ABCC4: variants seen among roughly 807,000 people sequenced by gnomAD.
ABCC4 encodes the protein ATP binding cassette subfamily C member 4 (PEL blood group).
ABCC4 carries 102 observed loss-of-function variants against 168.5 expected under a neutral mutation model. The ratio of observed to expected loss-of-function variants is 0.61; its 90% confidence interval spans 0.52 to 0.71. The LOEUF (loss-of-function observed/expected upper bound fraction) is 0.71. Among genes scored for constraint, ABCC4 ranks in the 30% least tolerant of loss-of-function variants. The pLI is 0.00. For missense variants in ABCC4, 1,402 were observed against 1,605.8 expected, an observed-to-expected ratio of 0.87 and a Z score of 2.17; for synonymous variants, 617 against 590.7, an observed-to-expected ratio of 1.04 and a Z score of -0.65.
At chr13:95,058,078 A>G (rs2033131013) in intron 26 of ABCC4, among the ~76,000 whole-genome samples, 1 of 152,204 alleles carries the variant, frequency 6.6e-6, no homozygotes, top group Non-Finnish European at 1.5e-5. Context: ...ACGACACATA[A>G]GTGAATACAC....
intron 11 of ABCC4, among the ~76,000 whole-genome samples, chr13:95,184,645 TA>T (rs2038001428): frequency 6.6e-6 from 1 of 152,180 alleles, no homozygotes; most frequent in Admixed American, 6.5e-5. Context: ...GATTAGTAGG[TA>T]AAGAGCAACA....
chr13:95,172,438 A>G (rs910309902), intron 13 of ABCC4, among the ~76,000 whole-genome samples: 22 of 152,046 alleles, frequency 1.4e-4, no homozygotes, highest in Admixed American at 1.4e-3. Flanking sequence ...GGATGTGGTC[A>G]CCCATGCCTG....
chr13:95,023,716 G>A (rs926002950), intron 30 of ABCC4, among the ~76,000 whole-genome samples: 1 of 152,222 alleles, frequency 6.6e-6, no homozygotes, highest in African/African-American at 2.4e-5. Flanking sequence ...CACACAGAAC[G>A]TGGAGGTATC....
chr13:95,184,391 G>A (rs1594253966), intron 11 of ABCC4, among the ~76,000 whole-genome samples: 1 of 152,160 alleles, frequency 6.6e-6, no homozygotes, highest in Non-Finnish European at 1.5e-5. Context: ...TCACCTAATT[G>A]TTAAAATAGT....
intron 1 of ABCC4, among the ~76,000 whole-genome samples, chr13:95,274,002 G>T (rs7992953): frequency 1 from 152,198 of 152,198 alleles, 76,099 homozygotes; most frequent in Non-Finnish European, 1. Flanking sequence ...TTTCTCCTCC[G>T]TGCCTTCTGT....
intron 19 of ABCC4, among the ~76,000 whole-genome samples, chr13:95,151,694 A>G (rs1301050336): frequency 6.6e-6 from 1 of 152,146 alleles, no homozygotes; most frequent in African/African-American, 2.4e-5. Context: ...GCAACTATTT[A>G]AGTTTGCAAG....
intron 6 of ABCC4, 69 bp from the exon 7 acceptor site, chr13:95,207,994 G>C: frequency 6.5e-7 from 1 of 1,550,070 alleles, no homozygotes; most frequent in South Asian, 1.2e-5. Flanking sequence ...GGCAGGCACA[G>C]GCAGGGACCT....
intron 25 of ABCC4, among the ~76,000 whole-genome samples, chr13:95,064,752 T>A (rs1247919182): frequency 6.6e-6 from 1 of 152,026 alleles, no homozygotes; most frequent in African/African-American, 2.4e-5. Context: ...GACTAGGCAC[T>A]CCAAACTCAG....
At chr13:95,077,408 G>A (rs553339906) in intron 21 of ABCC4, among the ~76,000 whole-genome samples, 1 of 151,602 alleles carries the variant, frequency 6.6e-6, no homozygotes, top group Non-Finnish European at 1.5e-5. Context: ...GCATGATCTT[G>A]GCTCACTGCA....
At chr13:95,191,813 T>C (rs1035569164) in intron 9 of ABCC4, among the ~76,000 whole-genome samples, 118 of 152,252 alleles carry the variant, frequency 7.8e-4, no homozygotes, top group African/African-American at 2.7e-3. Context: ...TTTTATTCAG[T>C]TTTGGCTGCA....
chr13:95,104,556 TC>T (rs976871997), intron 20 of ABCC4, among the ~76,000 whole-genome samples: 51 of 152,250 alleles, frequency 3.3e-4, no homozygotes, highest in Admixed American at 1.1e-3. Context: ...TTTATTCTCA[TC>T]CACACATAAT....
intron 13 of ABCC4, among the ~76,000 whole-genome samples, chr13:95,175,425 G>A (rs1277589392): frequency 6.6e-6 from 1 of 152,098 alleles, no homozygotes; most frequent in Non-Finnish European, 1.5e-5. Flanking sequence ...CAATTCTCCT[G>A]CCTCAGCCTC....
chr13:95,269,248 T>C (rs2040772769), intron 1 of ABCC4: 1 of 454,110 alleles, frequency 2.2e-6, no homozygotes, highest in Non-Finnish European at 4.4e-6. Flanking sequence ...CCACCCTGAT[T>C]TGCCATACCT....
chr13:95,256,278 G>A (rs560870367), intron 1 of ABCC4, among the ~76,000 whole-genome samples: 87 of 152,238 alleles, frequency 5.7e-4, no homozygotes, highest in African/African-American at 2.0e-3. Context: ...CAAGTTATGC[G>A]GCTGACTCAT....
At chr13:95,172,543 G>A (rs1175469575) in intron 13 of ABCC4, among the ~76,000 whole-genome samples, 4 of 148,620 alleles carry the variant, frequency 2.7e-5, no homozygotes, top group Non-Finnish European at 5.9e-5. Context: ...TCCAGCCTGG[G>A]CAACAGAGCG....
chr13:95,293,831 A>G (rs1479343772), intron 1 of ABCC4, among the ~76,000 whole-genome samples: 1 of 147,308 alleles, frequency 6.8e-6, no homozygotes, highest in Non-Finnish European at 1.5e-5. Context: ...CCCAGGCTGG[A>G]GTGCAGTGGT....
intron 20 of ABCC4, among the ~76,000 whole-genome samples, chr13:95,091,234 T>C: frequency 6.6e-6 from 1 of 152,136 alleles, no homozygotes; most frequent in East Asian, 1.9e-4. Context: ...GGGCAAATAA[T>C]CGAGGAAAAC....
chr13:95,161,456 A>C (rs1206733583), intron 18 of ABCC4, 121 bp from the exon 19 acceptor site: 1 of 708,978 alleles, frequency 1.4e-6, no homozygotes, highest in Non-Finnish European at 2.1e-6. Flanking sequence ...AAGCATCTGG[A>C]TTCTACATAA....
At chr13:95,175,803 A>G (rs935026866) in intron 13 of ABCC4, among the ~76,000 whole-genome samples, 4 of 152,206 alleles carry the variant, frequency 2.6e-5, no homozygotes, top group African/African-American at 4.8e-5. Flanking sequence ...TTGATCTCAC[A>G]CATGCAGTCT....
Sources: allele counts gnomAD v4.1 joint callset (sites outside exome capture counted in the v4.1 genomes callset), GRCh38; gene constraint gnomAD v4.1.1; transcripts MANE v1.5; gene names NCBI Gene and HGNC (gene_info 2026-07-23, HGNC 2026-07-21).